RBFOX2: variants seen among roughly 807,000 people sequenced by gnomAD.
RBFOX2 encodes the protein RNA binding fox-1 homolog 2, also known as RNA binding protein fox-1 homolog 2.
A neutral mutation model predicts 49.1 loss-of-function variants in RBFOX2; 10 were observed. The ratio of observed to expected loss-of-function variants is 0.20; its 90% CI spans 0.13 to 0.35. The LOEUF (loss-of-function observed/expected upper bound fraction) is 0.35, where lower values mean the gene tolerates loss of function less well. Ranked by LOEUF, RBFOX2 falls within the 10% of genes least tolerant of loss-of-function variation. The pLI, the probability that RBFOX2 is intolerant of heterozygous loss-of-function variation, is 1.00. For synonymous variants in RBFOX2, 183 were observed against 187.4 expected, an observed-to-expected ratio of 0.98 and a Z score of 0.19; for missense variants, 323 against 486.9, an observed-to-expected ratio of 0.66 and a Z score of 3.17.
At chr22:35,750,378 T>G in intron 9 of RBFOX2, 5 of 1,452,820 alleles carry the variant, frequency 3.4e-6, no homozygotes, top group Non-Finnish European at 4.8e-6. Context: ...GAAGCAACCA[T>G]TAATAATAAA....
chr22:35,800,274 C>T (rs924053428), intron 2 of RBFOX2, among the ~76,000 whole-genome samples: 10 of 152,146 alleles, frequency 6.6e-5, no homozygotes, highest in Non-Finnish European at 1.3e-4. Context: ...GTTTCCTAAT[C>T]GTCTGCCTGC....
At chr22:35,937,534 G>A (rs1243867083) in intron 1 of RBFOX2, among the ~76,000 whole-genome samples, 3 of 152,104 alleles carry the variant, frequency 2.0e-5, no homozygotes, top group African/African-American at 7.2e-5. Context: ...GCAAATAGGT[G>A]ACTATTGATT....
intron 1 of RBFOX2, among the ~76,000 whole-genome samples, chr22:35,891,604 T>C (rs376251516): frequency 2.0e-5 from 3 of 152,310 alleles, no homozygotes; most frequent in African/African-American, 7.2e-5. Flanking sequence ...ATATAGAGCA[T>C]GAATAAGAGA....
At chr22:35,758,195 G>A (rs1183758342) in intron 9 of RBFOX2, among the ~76,000 whole-genome samples, 1 of 152,154 alleles carries the variant, frequency 6.6e-6, no homozygotes, top group Non-Finnish European at 1.5e-5. Flanking sequence ...TGGGAAATCA[G>A]TGTTCAATGT....
intron 1 of RBFOX2, among the ~76,000 whole-genome samples, chr22:35,968,331 T>C (rs2056683838): frequency 6.6e-6 from 1 of 152,234 alleles, no homozygotes; most frequent in Non-Finnish European, 1.5e-5. Flanking sequence ...TTTATTCTCC[T>C]ATTCTATCAT....
At chr22:35,897,258 A>G in intron 1 of RBFOX2, 1 of 1,485,404 alleles carries the variant, frequency 6.7e-7, no homozygotes, top group Non-Finnish European at 9.4e-7. Context: ...GTTGCTCGGG[A>G]GGCACTAAAT....
chr22:35,871,984 G>T (rs1406109737), intron 1 of RBFOX2, among the ~76,000 whole-genome samples: 1 of 152,196 alleles, frequency 6.6e-6, no homozygotes, highest in African/African-American at 2.4e-5. Flanking sequence ...TAGCTGGGCA[G>T]GGCAAGGGTA....
chr22:36,026,541 T>TACAC (rs3075271), intron 1 of RBFOX2, among the ~76,000 whole-genome samples: 2,301 of 136,622 alleles, frequency 0.017, 25 homozygotes, highest in Non-Finnish European at 0.018. Context: ...AATGAATACA[T>TACAC]ACACACACAC....
upstream of RBFOX2, among the ~76,000 whole-genome samples, chr22:35,963,483 G>C (rs2056378068): frequency 6.6e-6 from 1 of 151,986 alleles, no homozygotes. Flanking sequence ...AGTATAATAA[G>C]CACAGTCACC....
At chr22:35,982,306 G>A (rs1039799746) in intron 1 of RBFOX2, among the ~76,000 whole-genome samples, 7 of 152,136 alleles carry the variant, frequency 4.6e-5, no homozygotes, top group Non-Finnish European at 1.0e-4. Flanking sequence ...CAGAAGGATA[G>A]CTCCTGTTAC....
At chr22:35,825,756 G>A (rs901493798) in intron 1 of RBFOX2, among the ~76,000 whole-genome samples, 2 of 151,958 alleles carry the variant, frequency 1.3e-5, no homozygotes, top group African/African-American at 2.4e-5. Flanking sequence ...CAAGGCGGGT[G>A]GATCACCTGA....
At chr22:35,844,863 C>T (rs1411969794), upstream of RBFOX2, among the ~76,000 whole-genome samples, 2 of 151,958 alleles carry the variant, frequency 1.3e-5, no homozygotes, top group African/African-American at 2.4e-5. Context: ...GGAAGATGTA[C>T]AAAAAGAGTG....
At chr22:35,797,751 G>C (rs1949039139) in intron 2 of RBFOX2, among the ~76,000 whole-genome samples, 1 of 152,112 alleles carries the variant, frequency 6.6e-6, no homozygotes, top group Non-Finnish European at 1.5e-5. Flanking sequence ...TGACTTCATA[G>C]CTCCCTCGAC....
Position 35,946,053 on chromosome 22 carries a change from C to G in RBFOX2, c.43-7156G>C, listed in dbSNP as rs542525857. Among the ~76,000 whole-genome samples the G allele has an allele frequency of 3.3e-5, 5 of 152,148 alleles. No individual in the cohort carries two copies. The East Asian group carries it at 7.7e-4, about 23-fold the overall frequency. ...TAAGCAGTATGTTTCATGGTAAAAT[C>G]TGATACAGGATTTACTGGGTTCTTG... On this transcript the variant is annotated intron_variant, in intron 1 of 5. Coordinates refer to the RBFOX2 transcript ENST00000408983.
At chr22:35,855,813 C>CA (rs2042447805) in intron 1 of RBFOX2, among the ~76,000 whole-genome samples, 1 of 150,290 alleles carries the variant, frequency 6.7e-6, no homozygotes, top group Non-Finnish European at 1.5e-5. Flanking sequence ...CTGCCTAAGT[C>CA]AAAGAGTTCA....
intron 1 of RBFOX2, among the ~76,000 whole-genome samples, chr22:35,856,095 T>C (rs1216588343): frequency 6.6e-6 from 1 of 152,112 alleles, no homozygotes; most frequent in Non-Finnish European, 1.5e-5. Flanking sequence ...GAAACAGACC[T>C]AGACTTAGAA....
Position 35,809,764 on chromosome 22 carries a change from CT to C in RBFOX2, c.252+15del. 1 of 1,608,396 alleles carries C rather than the reference CT, an allele frequency of 6.2e-7. No individual in the cohort carries two copies. The highest frequency in any genetic ancestry group is 8.5e-7 in the Non-Finnish European group (1 of 1,178,228). On this transcript the variant is annotated intron_variant, in intron 2 of 11. Coordinates refer to ENST00000405409, the Ensembl canonical transcript of RBFOX2. ...TGCCATGCATCCTTCCATTTTTCAC[CT>C]CATGGTCCACGTACCGTAAGAGATC... is the stretch of plus-strand genomic sequence containing the variant.
chr22:35,968,313 G>A (rs1000425022), intron 1 of RBFOX2, among the ~76,000 whole-genome samples: 4 of 152,174 alleles, frequency 2.6e-5, no homozygotes, highest in East Asian at 1.9e-4. Context: ...CAGAGTCATC[G>A]AGTTTGCTTT....
At chr22:35,936,009 G>A (rs781689147) in intron 1 of RBFOX2, among the ~76,000 whole-genome samples, 14 of 152,062 alleles carry the variant, frequency 9.2e-5, no homozygotes, top group Non-Finnish European at 8.8e-5. Flanking sequence ...AATCTTGTCT[G>A]CAGATGGTTC....
Sources: allele counts gnomAD v4.1 joint callset (sites outside exome capture counted in the v4.1 genomes callset), GRCh38; gene constraint gnomAD v4.1.1; transcripts MANE v1.5; gene names NCBI Gene and HGNC (gene_info 2026-07-23, HGNC 2026-07-21).